NIN: variants seen among roughly 807,000 people sequenced by gnomAD.
The protein encoded by NIN is ninein.
In NIN, 137 loss-of-function variants were observed where a neutral mutation model predicts 257.6. The observed-to-expected ratio is 0.53, with a 90% CI of 0.46 to 0.61. The LOEUF is 0.61. NIN is among the 20% of genes least tolerant of loss of function. NIN has a pLI of 0.00. For synonymous variants in NIN, 918 were observed against 919.8 expected, an observed-to-expected ratio of 1.00 and a Z score of 0.04; for missense variants, 2,439 against 2,501.2, an observed-to-expected ratio of 0.98 and a Z score of 0.53.
Position 50,726,037 on chromosome 14 carries a change from C to T in NIN, c.6108G>A (p.Met2036Ile). 1.2e-6 allele frequency: 2 copies of T among 1,613,804 alleles called. No individual in the cohort carries two copies. The highest frequency in any genetic ancestry group is 1.7e-6 in the Non-Finnish European group (2 of 1,179,800). Reference protein sequence around the residue: ...QGNQEQLVTVMEERMIEVEQK... With the variant: ...QGNQEQLVTVIEERMIEVEQK... ...GTTCAACTTCTATCATTCGTTCCTC[C>T]ATGACAGTTACCAGTTGTTCCTGGT... Residue 2036 changes from methionine (M) to isoleucine (I), a missense_variant, in exon 30 of 31, where the codon ATG (methionine) becomes ATA (isoleucine). Physicochemically the swap from Met to Ile is conservative, Grantham distance 10. Around this residue, in one of 3 missense-constraint regions of NIN, gnomAD observed 2,043 missense variants for 2,050.2 expected, o/e 1.00. Transcript: ENST00000530997.
At position 50,772,484 on chromosome 14, in the gene NIN, G is replaced by C. The variant is rs112035576; in HGVS notation, c.814-16C>G. ...CATCGAAAGACTGGAAGGAGGAAGA[G>C]ACTTGAGTAAGCCTAGCTTGATTCC... On this transcript the variant is annotated splice_polypyrimidine_tract_variant and intron_variant, in intron 8 of 30. Coordinates refer to ENST00000530997, the MANE Select transcript of NIN (RefSeq NM_020921.4). 6.2e-7 allele frequency: 1 copy of C among 1,613,274 alleles called. No homozygotes were observed. Among genetic ancestry groups the C allele is most frequent in the Non-Finnish European group, 8.5e-7 (1 of 1,179,370 alleles).
Position 50,757,733 on chromosome 14 carries a change from C to A in NIN, c.3297G>T (p.Glu1099Asp), listed in dbSNP as rs1426467370. 3.7e-6 allele frequency: 6 copies of A among 1,614,172 alleles called. No homozygotes were observed. The Admixed American group carries it at 1.0e-4, about 27-fold the overall frequency. ...SRLQQRLQKLEPGLVMSSCLD... is the reference protein window; with the variant it reads ...SRLQQRLQKLDPGLVMSSCLD... ...AACAAGAAGACATTACTAACCCTGG[C>A]TCTAACTTTTGTAGCCTCTGTTGCA... The change falls in exon 18 of 31, where the codon GAG becomes GAT. Residue 1099 changes from glutamate (E) to aspartate (D), a missense_variant. Glu to Asp is a conservative substitution (Grantham distance 45). Transcript: ENST00000530997.
In NIN at chr14:50,757,880, C is replaced by T. The variant is rs1274689568; in HGVS notation, c.3150G>A (p.Leu1050=). The T allele has an allele frequency of 1.1e-5, 18 of 1,614,054 alleles. No individual in the cohort carries two copies. The Admixed American group carries it at 1.3e-4, about 12-fold the overall frequency. Residue 1050 remains leucine (L), a synonymous_variant, in exon 18 of 31, where the codon CTG becomes CTA. Coordinates refer to ENST00000530997, the MANE Select transcript of NIN (RefSeq NM_020921.4). ...GEEEVEGDGA[L]SLLQQGEQLL... is the part of the protein sequence containing the mutation. ...GCTGCTCCCCTTGCTGAAGCAGGGA[C>T]AGGGCTCCATCTCCTTCCACCTCCT...
intron 4 of NIN, among the ~76,000 whole-genome samples, chr14:50,803,908 T>TA (rs1439293150): frequency 6.6e-6 from 1 of 150,804 alleles, no homozygotes; most frequent in Non-Finnish European, 1.5e-5. Context: ...TTCTTCTTTT[T>TA]TTTTTTGAGA....
At chr14:50,767,062 T>C (rs990690427) in intron 12 of NIN, among the ~76,000 whole-genome samples, 172 bp from the exon 13 acceptor site, 3 of 152,244 alleles carry the variant, frequency 2.0e-5, no homozygotes, top group African/African-American at 7.2e-5. Flanking sequence ...ATATCTATTT[T>C]ATAACAACAA....
intron 1 of NIN, chr14:50,830,722 G>T: frequency 4.1e-5 from 1 of 24,216 alleles, no homozygotes. Flanking sequence ...CCCCGCCCCC[G>T]CCGGCCCGCC....
Position 50,756,520 on chromosome 14 carries a change from C to T in NIN, c.4510G>A (p.Glu1504Lys). 3.1e-6 allele frequency: 5 copies of T among 1,609,242 alleles called. No individual in the cohort carries two copies. The highest frequency in any genetic ancestry group is 4.2e-6 in the Non-Finnish European group (5 of 1,178,098). ...MMHDLQITCS[E>K]MQQKVELLRY... is the part of the protein sequence containing the mutation. ...AGAAGTTCAACTTTTTGCTGCATCTCACTGCACGTGATCTGCAAGTCATGC... is the reference window on the plus strand; with the variant it reads ...AGAAGTTCAACTTTTTGCTGCATCTTACTGCACGTGATCTGCAAGTCATGC... Residue 1504 changes from glutamate (E) to lysine (K), a missense_variant, in exon 18 of 31, where the codon GAG becomes AAG. Physicochemically the swap from Glu to Lys is moderately conservative, Grantham distance 56. This residue lies in a region of NIN where 2,043 missense variants were observed against 2,050.2 expected (regional missense o/e 1.00). Coordinates refer to ENST00000530997, the MANE Select transcript of NIN (RefSeq NM_020921.4).
chr14:50,821,744 T>G, intron 3 of NIN, 130 bp downstream of exon 3: 1 of 732,422 alleles, frequency 1.4e-6, no homozygotes, highest in Non-Finnish European at 2.3e-6. Context: ...ACCCATTACA[T>G]TCTTCTTTTT....
At position 50,720,771 on chromosome 14, in the gene NIN, G is replaced by A. The variant is rs2040255869; in HGVS notation, c.*2692C>T. 4.9e-6 allele frequency: 1 copy of A among 203,146 alleles called. No homozygotes were observed. Among genetic ancestry groups the A allele is most frequent in the African/African-American group, 2.3e-5 (1 of 43,678 alleles). 12.6% of individuals were successfully genotyped at this position (203,146 alleles called of 1,614,324 possible). A position where few individuals can be genotyped will look rare whatever the true frequency, so the allele number is the denominator to read the frequency against. Reference sequence around the variant, plus strand: ...CAGAAGAGAGTACAATAGGATGAGAGAGGTGGGTTTTACTATCCACATTTT... The same window carrying A: ...CAGAAGAGAGTACAATAGGATGAGAAAGGTGGGTTTTACTATCCACATTTT... On this transcript the variant is annotated 3_prime_UTR_variant, in exon 31 of 31. Transcript: ENST00000530997.
intron 25 of NIN, 71 bp downstream of exon 25, chr14:50,741,511 A>G: frequency 1.7e-6 from 2 of 1,187,162 alleles, no homozygotes; most frequent in South Asian, 1.4e-5. Flanking sequence ...CATAAAAATA[A>G]CCAAGTTGTC....
intron 5 of NIN, among the ~76,000 whole-genome samples, chr14:50,790,361 A>G (rs2043539199): frequency 6.6e-6 from 1 of 152,100 alleles, no homozygotes. Flanking sequence ...CTGAAACTTA[A>G]TTTTTTAAAG....
chr14:50,756,111 T>C (rs2042014102), intron 18 of NIN, among the ~76,000 whole-genome samples: 2 of 151,470 alleles, frequency 1.3e-5, no homozygotes, highest in Admixed American at 6.6e-5. Flanking sequence ...CATTCATTTG[T>C]ATATAACATG....
intron 29 of NIN, chr14:50,727,880 C>A (rs544683451): frequency 3.4e-6 from 2 of 592,968 alleles, no homozygotes; most frequent in Non-Finnish European, 5.7e-6. Flanking sequence ...CATAGGCAAG[C>A]AAAGCAACAC....
At chr14:50,759,045 G>A (rs1031973173) in intron 17 of NIN, among the ~76,000 whole-genome samples, 1 of 152,180 alleles carries the variant, frequency 6.6e-6, no homozygotes, top group Non-Finnish European at 1.5e-5. Context: ...TGACACATAT[G>A]AACAAATTCA....
chr14:50,821,942 T>A lies in NIN; in HGVS notation c.115A>T (p.Met39Leu). Residue 39 changes from methionine to leucine, a missense_variant, in exon 3 of 31, where the codon ATG (methionine) becomes TTG (leucine). Coordinates refer to ENST00000530997, the MANE Select transcript of NIN (RefSeq NM_020921.4). ...GQEELTDLCHMLSLEEVAPVL... is the reference protein window; with the variant it reads ...GQEELTDLCHLLSLEEVAPVL... ...GGGGCCACCTCCTCCAAGCTCAACA[T>A]GTGGCAAAGGTCGGTGAGTTCCTCC... 6.2e-7 allele frequency: 1 copy of A among 1,614,160 alleles called. No individual in the cohort carries two copies. The highest frequency in any genetic ancestry group is 8.5e-7 in the Non-Finnish European group (1 of 1,180,034).
chr14:50,743,643 G>A lies in NIN; in HGVS notation c.5188-114C>T. 3 of 640,680 alleles carry A rather than the reference G, an allele frequency of 4.7e-6. No homozygotes were observed. In the South Asian group the frequency reaches 5.2e-5, roughly 11 times the overall value. The allele number at this position is 640,680 out of a possible 1,614,324, so 39.7% of individuals were successfully genotyped here. On this transcript the variant is annotated intron_variant, in intron 23 of 30. Coordinates refer to ENST00000530997, the MANE Select transcript of NIN (RefSeq NM_020921.4). The stretch of plus-strand genomic sequence containing the variant: ...ACAAGTACCATCTATTTATGTAGGG[G>A]AGCAGGGCAAGGTCAAAGGAAATGG...
At chr14:50,744,746 C>A (rs755168961) in intron 22 of NIN, among the ~76,000 whole-genome samples, 3 of 152,138 alleles carry the variant, frequency 2.0e-5, no homozygotes, top group Non-Finnish European at 4.4e-5. Flanking sequence ...TGAGGTCAGT[C>A]TGGTGAACAT....
intron 7 of NIN, among the ~76,000 whole-genome samples, chr14:50,774,281 C>T (rs1275784630): frequency 6.6e-6 from 1 of 152,234 alleles, no homozygotes; most frequent in African/African-American, 2.4e-5. Context: ...ATCTGGACTA[C>T]TGCTAGGATT....
Position 50,748,115 on chromosome 14 carries a change from A to G in NIN, c.4951-10T>C. 1 of 1,585,488 alleles carries G rather than the reference A, an allele frequency of 6.3e-7. No homozygotes were observed. Among genetic ancestry groups the G allele is most frequent in the Non-Finnish European group, 8.7e-7 (1 of 1,154,712 alleles). On this transcript the variant is annotated splice_polypyrimidine_tract_variant and intron_variant, in intron 21 of 30. Transcript: ENST00000530997. ...ACACTAAAGTGGAGGACTAAGAGAA[A>G]AATGAAAAAGTCAAATAACAGACAT...
Sources: gnomAD v4.1 joint callset for allele counts (sites outside exome capture counted in the v4.1 genomes callset) on GRCh38, gnomAD v4.1.1 for gene constraint, gnomAD v4.1.1 regional missense constraint, MANE v1.5 for transcripts, NCBI Gene and HGNC (gene_info 2026-07-23, HGNC 2026-07-21) for gene names.